A1CF: variants seen among roughly 807,000 people sequenced by gnomAD.
A1CF encodes APOBEC1 complementation factor, also known as APOBEC-1 stimulating protein.
A1CF carries 48 observed loss-of-function variants against 68.9 expected under a neutral mutation model. That is an observed-to-expected ratio of 0.70 (90% confidence interval 0.55 to 0.89). The LOEUF (loss-of-function observed/expected upper bound fraction) is 0.89, where lower values mean the gene tolerates loss of function less well. Ranked by LOEUF, A1CF falls within the 40% of genes least tolerant of loss-of-function variation. A1CF has a pLI of 0.00. For synonymous variants in A1CF, 272 were observed against 260.4 expected (o/e 1.04, Z -0.43); for missense variants, 653 against 718.9 (o/e 0.91, Z 1.05).
rs1416946765 is a variant in A1CF, at chr10:50,810,001, T to G, written c.1502A>C (p.Glu501Ala). The change falls in exon 12 of 13, where the codon GAA (glutamate) becomes GCA (alanine). Residue 501 changes from glutamate to alanine, a missense_variant. Transcript: ENST00000373997. ...GTATTCGGCTGCATACGTCTTTGCT[T>G]CATCCACAAAGGCACTCAGCTTTGG... ...TPPKLSAFVD[E>A]AKTYAAEYTL... is the part of the protein sequence containing the mutation. 17 of 1,613,968 alleles carry G rather than the reference T, an allele frequency of 1.1e-5. No individual in the cohort carries two copies. The highest frequency in any genetic ancestry group is 1.7e-4 in the Middle Eastern group (1 of 6,058).
chr10:50,864,509 C>G (rs927617363), intron 1 of A1CF, among the ~76,000 whole-genome samples: 1 of 151,938 alleles, frequency 6.6e-6, no homozygotes, highest in Non-Finnish European at 1.5e-5. Flanking sequence ...CATTAACTGG[C>G]GATCAGAGTC....
At chr10:50,839,546 ACC>A (rs1217297230) in intron 5 of A1CF, among the ~76,000 whole-genome samples, 1 of 152,178 alleles carries the variant, frequency 6.6e-6, no homozygotes, top group Non-Finnish European at 1.5e-5. Context: ...CCTGGGCTGG[ACC>A]CCAGATCTCC....
chr10:50,821,543 T>TA (rs905975861), intron 7 of A1CF, among the ~76,000 whole-genome samples: 1 of 151,312 alleles, frequency 6.6e-6, no homozygotes, highest in Non-Finnish European at 1.5e-5. Flanking sequence ...AGAGACCTAT[T>TA]TTTTTTTTTC....
intron 1 of A1CF, among the ~76,000 whole-genome samples, chr10:50,881,755 A>C (rs1841780908): frequency 6.6e-6 from 1 of 152,184 alleles, no homozygotes; most frequent in Non-Finnish European, 1.5e-5. Flanking sequence ...GTCATGTGTT[A>C]ATTCTCTTTA....
intron 1 of A1CF, among the ~76,000 whole-genome samples, chr10:50,882,746 A>T (rs1841838254): frequency 6.6e-6 from 1 of 152,190 alleles, no homozygotes; most frequent in Non-Finnish European, 1.5e-5. Flanking sequence ...CTGTCGATCA[A>T]TACTGTCTTG....
chr10:50,833,488 T>TTTTGTATC, intron 6 of A1CF, among the ~76,000 whole-genome samples: 1 of 152,192 alleles, frequency 6.6e-6, no homozygotes, highest in Non-Finnish European at 1.5e-5. Flanking sequence ...GTGAGATTTC[T>TTTTGTATC]CAAGGGGGAA....
chr10:50,845,600 A>G (rs896753412), intron 3 of A1CF, among the ~76,000 whole-genome samples: 2 of 152,176 alleles, frequency 1.3e-5, no homozygotes, highest in Non-Finnish European at 2.9e-5. Context: ...CATCAGCTTA[A>G]TTTTTGCATT....
At chr10:50,871,370 G>A (rs947795047) in intron 1 of A1CF, among the ~76,000 whole-genome samples, 2 of 151,816 alleles carry the variant, frequency 1.3e-5, no homozygotes, top group African/African-American at 4.8e-5. Context: ...AAATTTGACT[G>A]AAAGATCTAA....
chr10:50,828,137 T>G lies in A1CF; in HGVS notation c.763A>C (p.Lys255Gln), dbSNP rs772945219. 6.3e-7 allele frequency: 1 copy of G among 1,583,242 alleles called. No individual in the cohort carries two copies. Among genetic ancestry groups the G allele is most frequent in the South Asian group, 1.1e-5 (1 of 87,512 alleles). ...TCTTGTATATATGTCCTACCTGGTT[T>G]GATATTGTTGAATTCCTTTTCAATC... ...EMIEKEFNNI[K>Q]PGAVERVKKI... The change falls in exon 7 of 13, where the codon AAA becomes CAA. Residue 255 changes from lysine to glutamine, a missense_variant. Transcript: ENST00000373997.
At chr10:50,810,177 AT>A in intron 11 of A1CF, 135 bp from the exon 12 acceptor site, 3 of 1,010,664 alleles carry the variant, frequency 3.0e-6, no homozygotes, top group Non-Finnish European at 4.3e-6. Flanking sequence ...TCTGTTTGCT[AT>A]TAAAGCTTCT....
intron 5 of A1CF, among the ~76,000 whole-genome samples, chr10:50,838,071 A>C (rs190447215): frequency 6.6e-6 from 1 of 152,342 alleles, no homozygotes; most frequent in East Asian, 1.9e-4. Context: ...CTTTTGTAAT[A>C]ACACTAAGTT....
At chr10:50,808,238 T>C (rs1012593105) in intron 12 of A1CF, among the ~76,000 whole-genome samples, 18 of 152,210 alleles carry the variant, frequency 1.2e-4, no homozygotes, top group Non-Finnish European at 2.4e-4. Context: ...CTATTATTCT[T>C]TGCTTGACTC....
At position 50,828,182 on chromosome 10, in the gene A1CF, G is replaced by A. The variant is rs752439723; in HGVS notation, c.718C>T (p.Leu240=). ...TCAATCATCTCTTCAGAGGTAGACAGCATAAGATTTCTTACATATAGGATT... is the reference window on the plus strand; with the variant it reads ...TCAATCATCTCTTCAGAGGTAGACAACATAAGATTTCTTACATATAGGATT... The part of the protein sequence containing the change: ...VKILYVRNLM[L]STSEEMIEKE... The change falls in exon 7 of 13, where the codon CTG becomes TTG. Residue 240 remains leucine (L), a synonymous_variant. Coordinates refer to ENST00000373997, the MANE Select transcript of A1CF (RefSeq NM_014576.4). 1 of 1,607,986 alleles carries A rather than the reference G, an allele frequency of 6.2e-7. No individual in the cohort carries two copies. Among genetic ancestry groups the A allele is most frequent in the East Asian group, 2.2e-5 (1 of 44,746 alleles).
rs1486745967 is a variant in A1CF at position 50,801,809 on chromosome 10, T to C, written c.*4920A>G. On this transcript the variant is annotated 3_prime_UTR_variant, in exon 13 of 13. Coordinates refer to ENST00000373997, the MANE Select transcript of A1CF (RefSeq NM_014576.4). The stretch of plus-strand genomic sequence containing the variant: ...CTTCAGATGAATGAGGTATTTTGGT[T>C]TTCAGGTTATTTTCCCTTTCTAAAT... 6.6e-6 allele frequency: 1 copy of C among 152,192 alleles called. No homozygotes were observed. Among genetic ancestry groups the C allele is most frequent in the Non-Finnish European group, 1.5e-5 (1 of 68,044 alleles). 9.4% of individuals were successfully genotyped at this position (152,192 alleles called of 1,614,324 possible). A position where few individuals can be genotyped will look rare whatever the true frequency, so the allele number is the denominator to read the frequency against.
intron 6 of A1CF, among the ~76,000 whole-genome samples, chr10:50,835,342 T>C (rs1430390849): frequency 6.6e-6 from 1 of 152,166 alleles, no homozygotes; most frequent in Non-Finnish European, 1.5e-5. Flanking sequence ...CTCCCATAAT[T>C]TTCATGAGAA....
chr10:50,848,843 T>C (rs1428681330), intron 3 of A1CF, among the ~76,000 whole-genome samples: 1 of 152,156 alleles, frequency 6.6e-6, no homozygotes. Context: ...CATTTCAAGA[T>C]TTTACCAGCT....
intron 1 of A1CF, among the ~76,000 whole-genome samples, chr10:50,869,771 G>A (rs1375704211): frequency 6.6e-6 from 1 of 151,968 alleles, no homozygotes; most frequent in Admixed American, 6.6e-5. Flanking sequence ...GATTTCATTT[G>A]TATTAATTTT....
chr10:50,815,965 A>C (rs772759707), intron 9 of A1CF, 41 bp downstream of exon 9: 1 of 1,597,506 alleles, frequency 6.3e-7, no homozygotes, highest in Non-Finnish European at 8.6e-7. Context: ...AGTCATTTGA[A>C]ATCTTGGGAT....
intron 3 of A1CF, among the ~76,000 whole-genome samples, chr10:50,857,177 A>T (rs532604137): frequency 1.3e-5 from 2 of 152,266 alleles, no homozygotes; most frequent in East Asian, 3.9e-4. Context: ...TTGGACTTTT[A>T]AAATTGGTGC....
Sources: gnomAD v4.1 joint callset for allele counts (sites outside exome capture counted in the v4.1 genomes callset) on GRCh38, gnomAD v4.1.1 for gene constraint, MANE v1.5 for transcripts, NCBI Gene and HGNC (gene_info 2026-07-23, HGNC 2026-07-21) for gene names.